Variants in PLEKHG1 observed in about 807,000 individuals in gnomAD.
PLEKHG1 encodes pleckstrin homology domain-containing family G member 1.
In PLEKHG1, 44 loss-of-function variants were observed where a neutral mutation model predicts 100.8. That is an observed-to-expected ratio of 0.44 (90% CI 0.34 to 0.56). The LOEUF is 0.56. Ranked by LOEUF, PLEKHG1 falls within the 20% of genes least tolerant of loss-of-function variation. PLEKHG1 has a pLI of 0.01. For synonymous variants in PLEKHG1, 640 were observed against 662.5 expected (o/e 0.97, Z 0.52); for missense variants, 1,545 against 1,720.9 (o/e 0.90, Z 1.81).
chr6:150,701,430 TA>T (rs760726254), intron 3 of PLEKHG1, among the ~76,000 whole-genome samples: 13,851 of 67,940 alleles, frequency 0.2, 2,667 homozygotes, highest in African/African-American at 0.5. Context: ...TATATATATA[TA>T]TATATATATA....
chr6:150,625,143 CAA>C (rs5880888), intron 1 of PLEKHG1, among the ~76,000 whole-genome samples: 25 of 146,852 alleles, frequency 1.7e-4, no homozygotes, highest in Admixed American at 3.4e-4. Flanking sequence ...GACTCCATCT[CAA>C]AAAAAAAAAA....
At chr6:150,613,892 C>G (rs537182754) in intron 1 of PLEKHG1, among the ~76,000 whole-genome samples, 8 of 152,186 alleles carry the variant, frequency 5.3e-5, no homozygotes, top group Non-Finnish European at 1.0e-4. Flanking sequence ...TCTCGTTTAT[C>G]CAACTGAGAA....
At chr6:150,821,290 C>A in intron 13 of PLEKHG1, 57 bp downstream of exon 14, 1 of 1,112,394 alleles carries the variant, frequency 9.0e-7, no homozygotes, top group Non-Finnish European at 1.4e-6. Context: ...CTAAATCAAA[C>A]CACACAAAAA....
intron 3 of PLEKHG1, among the ~76,000 whole-genome samples, chr6:150,676,816 T>G (rs1246724349): frequency 6.6e-6 from 1 of 152,192 alleles, no homozygotes; most frequent in Non-Finnish European, 1.5e-5. Flanking sequence ...CACCACCCTA[T>G]AACCAACTCT....
At chr6:150,678,573 T>C (rs915919865) in intron 3 of PLEKHG1, among the ~76,000 whole-genome samples, 7 of 152,168 alleles carry the variant, frequency 4.6e-5, no homozygotes, top group African/African-American at 1.4e-4. Flanking sequence ...CAGGCAGGGG[T>C]AAAGATTAAT....
intron 1 of PLEKHG1, among the ~76,000 whole-genome samples, chr6:150,608,475 A>G (rs1217616761): frequency 6.6e-6 from 1 of 152,228 alleles, no homozygotes; most frequent in Non-Finnish European, 1.5e-5. Flanking sequence ...AAGAGAATAC[A>G]TTTCTGTACT....
At chr6:150,700,561 G>A (rs937120243) in intron 3 of PLEKHG1, among the ~76,000 whole-genome samples, 1 of 151,218 alleles carries the variant, frequency 6.6e-6, no homozygotes, top group South Asian at 2.1e-4. Flanking sequence ...TATTTACCTC[G>A]GGCCCCCCTT....
At chr6:150,630,154 G>A (rs1257339566) in intron 1 of PLEKHG1, among the ~76,000 whole-genome samples, 1 of 152,192 alleles carries the variant, frequency 6.6e-6, no homozygotes, top group Non-Finnish European at 1.5e-5. Context: ...GGAAAGAATG[G>A]TACCTGGGGA....
intron 2 of PLEKHG1, among the ~76,000 whole-genome samples, chr6:150,760,153 A>G (rs1482197144): frequency 2.0e-5 from 3 of 152,188 alleles, no homozygotes; most frequent in Admixed American, 2.0e-4. Flanking sequence ...CATGTTTCAA[A>G]TTACACCAGT....
chr6:150,734,118 TTGCCATGCAGGAGAAATA>T (rs1353600655), intron 2 of PLEKHG1, 26 bp downstream of exon 3: 1 of 1,582,316 alleles, frequency 6.3e-7, no homozygotes, highest in East Asian at 2.3e-5. Flanking sequence ...CTTTTAATGT[TTGCCATGCAGGAGAAATA>T]TGCTTGCAAA....
intron 3 of PLEKHG1, among the ~76,000 whole-genome samples, chr6:150,696,877 GCAGGTGGATCACTTGAGGC>G (rs2128596329): frequency 6.6e-6 from 1 of 152,284 alleles, no homozygotes; most frequent in African/African-American, 2.4e-5. Flanking sequence ...GGAGGCCAAG[GCAGGTGGATCACTTGAGGC>G]CAGGAGTTCA....
chr6:150,830,879 A>G, exon 15 of PLEKHG1: 1 of 1,614,180 alleles, frequency 6.2e-7, no homozygotes. Flanking sequence ...CAGCTGGCAT[A>G]TGGGACAGAT....
intron 3 of PLEKHG1, among the ~76,000 whole-genome samples, chr6:150,677,972 C>T (rs1582929691): frequency 2.0e-5 from 3 of 149,326 alleles, no homozygotes; most frequent in Non-Finnish European, 3.0e-5. Context: ...TCAATGTGTT[C>T]CCTGACTTTT....
intron 2 of PLEKHG1, among the ~76,000 whole-genome samples, chr6:150,738,422 C>T (rs1782684980): frequency 6.6e-6 from 1 of 152,100 alleles, no homozygotes; most frequent in South Asian, 2.1e-4. Flanking sequence ...TCGCAAATAT[C>T]AGAGCAGCTT....
upstream of PLEKHG1, among the ~76,000 whole-genome samples, chr6:150,720,685 A>G (rs989006432): frequency 1.3e-5 from 2 of 152,090 alleles, no homozygotes; most frequent in African/African-American, 4.8e-5. Context: ...AAGTGAAAAG[A>G]TGTGTCCCTT....
At chr6:150,621,179 A>G (rs1256892119) in intron 1 of PLEKHG1, among the ~76,000 whole-genome samples, 1 of 152,096 alleles carries the variant, frequency 6.6e-6, no homozygotes, top group Non-Finnish European at 1.5e-5. Context: ...GACTTGATAT[A>G]ATTATGTACA....
chr6:150,675,322 A>C (rs1244507804), intron 3 of PLEKHG1, among the ~76,000 whole-genome samples: 1 of 152,188 alleles, frequency 6.6e-6, no homozygotes, highest in African/African-American at 2.4e-5. Flanking sequence ...CGCGGCTCAT[A>C]AGTGGCAGAA....
chr6:150,712,991 C>T (rs113880578), intron 3 of PLEKHG1, among the ~76,000 whole-genome samples: 171 of 152,344 alleles, frequency 1.1e-3, no homozygotes, highest in Non-Finnish European at 2.0e-3. Flanking sequence ...CAACGTCCCA[C>T]GCTGCTTCAC....
intron 3 of PLEKHG1, chr6:150,651,075 A>G (rs1778710879): frequency 6.6e-6 from 1 of 152,230 alleles, no homozygotes; most frequent in Non-Finnish European, 1.5e-5. Flanking sequence ...ATTAGCAACA[A>G]CGAATAATAA....
Sources: gnomAD v4.1 joint callset for allele counts (sites outside exome capture counted in the v4.1 genomes callset) on GRCh38, gnomAD v4.1.1 for gene constraint, MANE v1.5 for transcripts, NCBI Gene and HGNC (gene_info 2026-07-23, HGNC 2026-07-21) for gene names.